The following DHTKD1 variants were observed in gnomAD, a reference collection of about 807,000 sequenced individuals.
DHTKD1 encodes the protein 2-oxoadipate dehydrogenase complex component E1.
In DHTKD1, 78 loss-of-function variants were observed where a neutral mutation model predicts 101.8. The observed-to-expected ratio is 0.77, with a 90% CI of 0.64 to 0.93. The LOEUF (loss-of-function observed/expected upper bound fraction) is 0.93, where lower values mean the gene tolerates loss of function less well. DHTKD1 is among the 40% of genes least tolerant of loss of function. DHTKD1 has a pLI of 0.00. For missense variants in DHTKD1, 1,223 were observed against 1,161.7 expected, an observed-to-expected ratio of 1.05 and a Z score of -0.77; for synonymous variants, 462 against 450.3, an observed-to-expected ratio of 1.03 and a Z score of -0.33.
chr10:12,089,303 A>C, intron 5 of DHTKD1, 48 bp downstream of exon 5: 2 of 1,576,548 alleles, frequency 1.3e-6, no homozygotes, highest in Non-Finnish European at 1.7e-6. Flanking sequence ...AAAACTGGGA[A>C]GAATGTGTGG....
intron 1 of DHTKD1, among the ~76,000 whole-genome samples, chr10:12,069,904 A>T (rs978332687): frequency 2.6e-5 from 4 of 152,038 alleles, no homozygotes; most frequent in Non-Finnish European, 5.9e-5. Flanking sequence ...TCCCAAGGAT[A>T]CATTTCCAGG....
chr10:12,071,312 G>A lies in DHTKD1; in HGVS notation c.154+2125G>A, dbSNP rs574782700. 2.6e-5 allele frequency among the ~76,000 whole-genome samples: 4 copies of A among 152,256 alleles called. No homozygotes were observed. The East Asian group carries it at 7.7e-4, about 29-fold the overall frequency. On this transcript the variant is annotated intron_variant, in intron 1 of 16. Transcript: ENST00000263035. ...GGGAGGTGGCTCTTTGTTCTGGGTG[G>A]CCATATACTGGGCTCTCTATTACTA...
intron 1 of DHTKD1, among the ~76,000 whole-genome samples, chr10:12,072,455 C>G (rs984577241): frequency 1.4e-5 from 2 of 139,828 alleles, no homozygotes; most frequent in Non-Finnish European, 3.1e-5. Flanking sequence ...GAGCAAGACT[C>G]TGTCTCAATA....
At chr10:12,108,150 T>A (rs1833278606) in intron 12 of DHTKD1, 135 bp downstream of exon 12, 2 of 602,362 alleles carry the variant, frequency 3.3e-6, no homozygotes, top group Non-Finnish European at 5.8e-6. Flanking sequence ...TGATGCAATG[T>A]CAATTTTCTT....
At position 12,122,757 on chromosome 10, in the gene DHTKD1, A is replaced by G. The variant is rs1275032770; in HGVS notation, c.*1869A>G. Reference sequence around the variant, plus strand: ...GACTCCCTCACTGTGAAATTAAACCAAGTACTGGAAACGTAACTAAACAGC... The same window carrying G: ...GACTCCCTCACTGTGAAATTAAACCGAGTACTGGAAACGTAACTAAACAGC... On this transcript the variant is annotated 3_prime_UTR_variant, in exon 17 of 17. Coordinates refer to ENST00000263035, the MANE Select transcript of DHTKD1 (RefSeq NM_018706.7). The G allele has an allele frequency of 1.3e-5, 2 of 152,202 alleles. No individual in the cohort carries two copies. The highest frequency in any genetic ancestry group is 2.9e-5 in the Non-Finnish European group (2 of 68,040). 9.4% of individuals were successfully genotyped at this position (152,202 alleles called of 1,614,324 possible). A position where few individuals can be genotyped will look rare whatever the true frequency, so the allele number is the denominator to read the frequency against.
Position 12,087,803 on chromosome 10 carries a change from C to G in DHTKD1, c.717+74C>G, listed in dbSNP as rs1832928315. ...ACAGAATAAAACTGCTGGTTTCATTCTGGTGATAAATGATGGTGATGGTGA... is the reference window on the plus strand; with the variant it reads ...ACAGAATAAAACTGCTGGTTTCATTGTGGTGATAAATGATGGTGATGGTGA... On this transcript the variant is annotated intron_variant, in intron 4 of 16. Transcript: ENST00000263035. The surrounding 1 kb of genome is among the most constrained non-coding windows in gnomAD (Gnocchi z 5.2). 7.6e-7 allele frequency: 1 copy of G among 1,320,024 alleles called. No individual in the cohort carries two copies. The highest frequency in any genetic ancestry group is 1.6e-5 in the South Asian group (1 of 63,494). The allele number at this position is 1,320,024 out of a possible 1,614,324, so 81.8% of individuals were successfully genotyped here. A position where few individuals can be genotyped will look rare whatever the true frequency, so the allele number is the denominator to read the frequency against.
rs1833263573 is a variant in DHTKD1, at chr10:12,107,200, A to G, written c.2048-709A>G. Among the ~76,000 whole-genome samples the G allele has an allele frequency of 6.6e-6, 1 of 151,246 alleles. No homozygotes were observed. Among genetic ancestry groups the G allele is most frequent in the Non-Finnish European group, 1.5e-5 (1 of 67,810 alleles). On this transcript the variant is annotated intron_variant, in intron 11 of 16. Transcript: ENST00000263035. The surrounding 1 kb of genome is among the most constrained non-coding windows in gnomAD (Gnocchi z 4.1). Reference sequence around the variant, plus strand: ...ATGGGGTTTCACCGTGTCAGCCGGGATGGTCTCGTTCTCCTGACCTCATGA... The same window carrying G: ...ATGGGGTTTCACCGTGTCAGCCGGGGTGGTCTCGTTCTCCTGACCTCATGA...
chr10:12,122,261 C>T lies in DHTKD1; in HGVS notation c.*1373C>T, dbSNP rs1038629596. The T allele has an allele frequency of 6.6e-6, 1 of 152,018 alleles. No individual in the cohort carries two copies. The highest frequency in any genetic ancestry group is 2.4e-5 in the African/African-American group (1 of 41,380). 9.4% of individuals were successfully genotyped at this position (152,018 alleles called of 1,614,324 possible). A position where few individuals can be genotyped will look rare whatever the true frequency, so the allele number is the denominator to read the frequency against. The stretch of plus-strand genomic sequence containing the variant: ...GGTTTCTGATATGGGGATTTCAGCC[C>T]CTGGTTAATCAGTCTTGTCCCTACA... On this transcript the variant is annotated 3_prime_UTR_variant, in exon 17 of 17. Transcript: ENST00000263035.
intron 9 of DHTKD1, among the ~76,000 whole-genome samples, chr10:12,100,541 G>A (rs1171699333): frequency 1.3e-5 from 2 of 152,022 alleles, no homozygotes; most frequent in Non-Finnish European, 2.9e-5. Context: ...AGGATTATGG[G>A]CGTGAGCCAC....
rs992952239 is a variant in DHTKD1, at chr10:12,120,982, G to T, written c.*94G>T. On this transcript the variant is annotated 3_prime_UTR_variant, in exon 17 of 17. Transcript: ENST00000263035. Reference sequence around the variant, plus strand: ...TGCCTGTAATCCCAGCACTTTGGGAGGCCAAGGCTGGTGGATCACCTGAGG... The same window carrying T: ...TGCCTGTAATCCCAGCACTTTGGGATGCCAAGGCTGGTGGATCACCTGAGG... The T allele has an allele frequency of 9.7e-6, 11 of 1,130,824 alleles. No individual in the cohort carries two copies. Among genetic ancestry groups the T allele is most frequent in the Non-Finnish European group, 1.4e-5 (11 of 783,668 alleles). The allele number at this position is 1,130,824 out of a possible 1,614,324, so 70.0% of individuals were successfully genotyped here. A position where few individuals can be genotyped will look rare whatever the true frequency, so the allele number is the denominator to read the frequency against.
intron 13 of DHTKD1, among the ~76,000 whole-genome samples, chr10:12,116,066 G>T (rs950720030): frequency 4.6e-5 from 7 of 152,050 alleles, no homozygotes; most frequent in Non-Finnish European, 7.4e-5. Context: ...AAGTAGCTGG[G>T]ATTACAGGCA....
At chr10:12,118,573 A>C (rs11257542) in intron 14 of DHTKD1, among the ~76,000 whole-genome samples, 176 bp from the exon 15 acceptor site, 10 of 151,454 alleles carry the variant, frequency 6.6e-5, no homozygotes, top group African/African-American at 2.4e-4. Flanking sequence ...TAGTAGAGAC[A>C]GGGTTTCACC....
At chr10:12,089,618 A>C (rs1348354435) in intron 5 of DHTKD1, among the ~76,000 whole-genome samples, 2 of 151,992 alleles carry the variant, frequency 1.3e-5, no homozygotes, top group African/African-American at 4.8e-5. Context: ...AAAAAAAAAA[A>C]GACTTTAAGT....
rs1368639340 is a variant in DHTKD1, at chr10:12,103,463, T to C, written c.1896+2282T>C. On this transcript the variant is annotated intron_variant, in intron 10 of 16. Transcript: ENST00000263035. This position sits in a 1 kb window ranked among gnomAD's most constrained non-coding sequence, Gnocchi z 4.8. Reference sequence around the variant, plus strand: ...GTGAATAGGTCCTTGGGGTGTGTTTTTCCCCCAACTTCGTTGTACATCTCA... The same window carrying C: ...GTGAATAGGTCCTTGGGGTGTGTTTCTCCCCCAACTTCGTTGTACATCTCA... Among the ~76,000 whole-genome samples, 1 of 151,074 alleles carries C rather than the reference T, an allele frequency of 6.6e-6. No homozygotes were observed. Among genetic ancestry groups the C allele is most frequent in the Non-Finnish European group, 1.5e-5 (1 of 67,844 alleles).
chr10:12,105,073 T>A (rs941355248), intron 10 of DHTKD1, among the ~76,000 whole-genome samples: 7 of 151,978 alleles, frequency 4.6e-5, no homozygotes, highest in Admixed American at 4.6e-4. Flanking sequence ...TTGGCCAGGC[T>A]GGTCTCGAAC....
chr10:12,075,463 A>G (rs7077283), intron 1 of DHTKD1, among the ~76,000 whole-genome samples: 22,300 of 152,074 alleles, frequency 0.15, 1,737 homozygotes, highest in East Asian at 0.2. Context: ...GATGGTCTCG[A>G]TCTCCTGACC....
At position 12,106,273 on chromosome 10, in the gene DHTKD1, G is replaced by T; in HGVS notation, c.1924G>T (p.Ala642Ser). The change falls in exon 11 of 17, where the codon GCC (alanine) becomes TCC (serine). Residue 642 changes from alanine to serine, a missense_variant. Coordinates refer to ENST00000263035, the MANE Select transcript of DHTKD1 (RefSeq NM_018706.7). Reference sequence around the variant, plus strand: ...CAGCAACAGCCCACTGTCAGAAGAGGCCGTCCTGGGATTTGAATATGGGAT... The same window carrying T: ...CAGCAACAGCCCACTGTCAGAAGAGTCCGTCCTGGGATTTGAATATGGGAT... ...EVSNSPLSEE[A>S]VLGFEYGMSI... The T allele has an allele frequency of 6.2e-7, 1 of 1,614,142 alleles. No individual in the cohort carries two copies. The highest frequency in any genetic ancestry group is 1.6e-4 in the Middle Eastern group (1 of 6,062).
At chr10:12,095,552 G>T (rs924519226) in intron 7 of DHTKD1, among the ~76,000 whole-genome samples, 22 of 152,070 alleles carry the variant, frequency 1.4e-4, no homozygotes, top group Non-Finnish European at 2.4e-4. Context: ...GGTGGCTCAC[G>T]CCTGTAATCC....
intron 8 of DHTKD1, among the ~76,000 whole-genome samples, chr10:12,098,416 C>G (rs1833106634): frequency 1.3e-5 from 2 of 152,114 alleles, no homozygotes; most frequent in Admixed American, 6.6e-5. Flanking sequence ...GTCTTAGGAT[C>G]ACTATAGGAT....
Sources: allele counts gnomAD v4.1 joint callset (sites outside exome capture counted in the v4.1 genomes callset), GRCh38; gene constraint gnomAD v4.1.1; non-coding constraint Gnocchi (gnomAD v3.1); transcripts MANE v1.5; gene names NCBI Gene and HGNC (gene_info 2026-07-23, HGNC 2026-07-21).